Variants in FAM120C observed in about 807,000 individuals in gnomAD.
FAM120C encodes the protein family with sequence similarity 120 member C.
Under a neutral mutation model 71.2 loss-of-function variants are expected in FAM120C, and 14 were observed. That is an observed-to-expected ratio of 0.20 (90% CI 0.13 to 0.31). The LOEUF (loss-of-function observed/expected upper bound fraction) is 0.31. Ranked by LOEUF, FAM120C falls within the 10% of genes least tolerant of loss-of-function variation. The pLI, the probability that FAM120C is intolerant of heterozygous loss-of-function variation, is 1.00. For synonymous variants in FAM120C, 354 were observed against 353.2 expected, an observed-to-expected ratio of 1.00 and a Z score of -0.03; for missense variants, 500 against 879.0, an observed-to-expected ratio of 0.57 and a Z score of 5.45.
Position 54,136,517 on chromosome X carries a change from G to A in FAM120C, c.1232C>T (p.Ser411Leu). ...TAGAAAGGAGGGACCCACTGGCAGCGAAGAGAGTTTGGTTGTGACTGAATA... is the reference window on the plus strand; with the variant it reads ...TAGAAAGGAGGGACCCACTGGCAGCAAAGAGAGTTTGGTTGTGACTGAATA... ...EYYSVTTKLS[S>L]LPVGPSFLGF... Residue 411 changes from serine (S) to leucine (L), a missense_variant, in exon 5 of 16, where the codon TCG (serine) becomes TTG (leucine). Physicochemically the swap from Ser to Leu is moderately radical, Grantham distance 145. This residue lies in a region of FAM120C where 55 missense variants were observed against 96.7 expected (regional missense o/e 0.57). Transcript: ENST00000375180. 2.5e-6 allele frequency: 3 copies of A among 1,209,835 alleles called. No homozygotes were observed. Among genetic ancestry groups the A allele is most frequent in the Non-Finnish European group, 3.4e-6 (3 of 893,876 alleles).
At chrX:54,155,161 C>A (rs2067203523) in intron 3 of FAM120C, among the ~76,000 whole-genome samples, 1 of 110,951 alleles carries the variant, frequency 9.0e-6, no homozygotes, top group Admixed American at 9.6e-5. Context: ...CCATGATCGC[C>A]CCACTGCACT....
chrX:54,145,934 T>G (rs2067152751), intron 4 of FAM120C, among the ~76,000 whole-genome samples: 1 of 112,151 alleles, frequency 8.9e-6, no homozygotes, highest in African/African-American at 3.2e-5. Context: ...CAGACTGGAT[T>G]AAGAAAATGT....
In FAM120C at chrX:54,134,043, A is replaced by G; in HGVS notation, c.1620T>C (p.His540=). ...GCTGGTGATGAAATGCTTCTGTGAT[A>G]TGACTAAAAAATGTAGAAAGACAGT... ...GDEPNGASSD[H]ITEAFHHQPE... Residue 540 remains histidine (H), a synonymous_variant, in exon 8 of 16, where the codon CAT becomes CAC. Transcript: ENST00000375180. 8.3e-7 allele frequency: 1 copy of G among 1,207,071 alleles called. No homozygotes were observed. Among genetic ancestry groups the G allele is most frequent in the Non-Finnish European group, 1.1e-6 (1 of 893,540 alleles).
chrX:54,155,830 C>G (rs782745748), intron 3 of FAM120C, among the ~76,000 whole-genome samples: 19 of 111,002 alleles, frequency 1.7e-4, no homozygotes, highest in Admixed American at 2.9e-4. Flanking sequence ...GCCTGATAGT[C>G]CCAGCTACTC....
chrX:54,146,651 G>A (rs1569533170), intron 4 of FAM120C, among the ~76,000 whole-genome samples: 1 of 111,723 alleles, frequency 9.0e-6, no homozygotes, highest in Non-Finnish European at 1.9e-5. Context: ...ACTGTACTCC[G>A]GCCTGGGCAA....
At position 54,108,515 on chromosome X, in the gene FAM120C, C is replaced by G. The variant is rs1557125183; in HGVS notation, c.2312+8030G>C. Among the ~76,000 whole-genome samples the G allele has an allele frequency of 2.7e-5, 3 of 111,554 alleles. No homozygotes were observed. In the South Asian group the frequency reaches 1.1e-3, roughly 42 times the overall value. On this transcript the variant is annotated intron_variant, in intron 10 of 15. Transcript: ENST00000375180. ...AAAAAGAAAAGAGTGGAGATTTGTG[C>G]TGCCTGATATTAAGGCAAATTGCAA...
intron 4 of FAM120C, among the ~76,000 whole-genome samples, chrX:54,142,290 G>A (rs997933754): frequency 8.9e-6 from 1 of 112,084 alleles, no homozygotes; most frequent in Non-Finnish European, 1.9e-5. Flanking sequence ...TGCCTCACCT[G>A]GGAAGCGCAA....
chrX:54,148,578 C>T (rs782555030), intron 4 of FAM120C, among the ~76,000 whole-genome samples: 1 of 111,712 alleles, frequency 9.0e-6, no homozygotes, highest in African/African-American at 3.3e-5. Context: ...GCCCGGGAGG[C>T]GGAGGCTGCA....
intron 3 of FAM120C, among the ~76,000 whole-genome samples, chrX:54,154,516 A>G (rs2067199872): frequency 9.2e-6 from 1 of 108,256 alleles, no homozygotes; most frequent in African/African-American, 3.4e-5. Context: ...CTGAAGCAGA[A>G]GAATCACTTG....
At chrX:54,079,106 C>A (rs1405900350) in intron 15 of FAM120C, among the ~76,000 whole-genome samples, 1 of 108,536 alleles carries the variant, frequency 9.2e-6, no homozygotes, top group African/African-American at 3.3e-5. Flanking sequence ...TAAAAACACA[C>A]AAAAAATCAG....
Position 54,073,077 on chromosome X carries a change from G to A in FAM120C, c.3247C>T (p.Gln1083Ter). Residue 1083 changes from glutamine (Q) to a stop codon, truncating the protein, a stop_gained, in exon 16 of 16, where the codon CAA (glutamine) becomes TAA (stop). Transcript: ENST00000375180. LOFTEE classifies it high-confidence loss of function. ...GCCACAGTTTCTAGCTTTTGCTCTT[G>A]TAAGTGGTTCTTCTCCCTATTATTC... is the stretch of plus-strand genomic sequence containing the variant. ...PMNNREKNHL[Q>*]EQKLETVAQR... 1 of 1,210,159 alleles carries A rather than the reference G, an allele frequency of 8.3e-7. No homozygotes were observed. The highest frequency in any genetic ancestry group is 1.1e-6 in the Non-Finnish European group (1 of 894,549).
At chrX:54,091,786 G>A (rs368832980) in intron 10 of FAM120C, among the ~76,000 whole-genome samples, 77 of 111,748 alleles carry the variant, frequency 6.9e-4, no homozygotes, top group African/African-American at 2.3e-3. Context: ...GACAAAAGGT[G>A]GGGAAAGGAT....
chrX:54,142,403 T>C (rs1398270583), intron 4 of FAM120C, among the ~76,000 whole-genome samples: 1 of 112,173 alleles, frequency 8.9e-6, no homozygotes, highest in Non-Finnish European at 1.9e-5. Context: ...CCAATGGTCT[T>C]AGCAAATGGC....
At chrX:54,088,828 C>T (rs1422981158) in intron 11 of FAM120C, among the ~76,000 whole-genome samples, 1 of 109,786 alleles carries the variant, frequency 9.1e-6, no homozygotes. Context: ...GTGGGTGGAT[C>T]GCTTGAGGCC....
At chrX:54,154,341 C>T (rs1478168902) in intron 3 of FAM120C, among the ~76,000 whole-genome samples, 1 of 109,587 alleles carries the variant, frequency 9.1e-6, no homozygotes, top group Non-Finnish European at 1.9e-5. Context: ...AGTGCAGTGG[C>T]TCACACCTGT....
At chrX:54,139,344 T>TATTTATTTATTTA (rs1557131217) in intron 4 of FAM120C, among the ~76,000 whole-genome samples, 1 of 103,600 alleles carries the variant, frequency 9.7e-6, no homozygotes, top group East Asian at 3.0e-4. Flanking sequence ...TTTATTTATT[T>TATTTATTTATTTA]ATTTATTTAT....
At chrX:54,073,572 C>T (rs1299011519) in intron 15 of FAM120C, among the ~76,000 whole-genome samples, 1 of 109,539 alleles carries the variant, frequency 9.1e-6, no homozygotes, top group African/African-American at 3.3e-5. Flanking sequence ...GCTGGGATTA[C>T]AGGCGCCCAC....
In FAM120C at chrX:54,071,986, A is replaced by G. The variant is rs1027591046; in HGVS notation, c.*1047T>C. 25 of 103,625 alleles carry G rather than the reference A, an allele frequency of 2.4e-4. No individual in the cohort carries two copies. Among genetic ancestry groups the G allele is most frequent in the African/African-American group, 4.6e-4 (13 of 28,462 alleles). 8.5% of individuals were successfully genotyped at this position (103,625 alleles called of 1,213,427 possible). On this transcript the variant is annotated 3_prime_UTR_variant, in exon 16 of 16. Transcript: ENST00000375180. The stretch of plus-strand genomic sequence containing the variant: ...TATGTATGTGTGTATATATGTGTGT[A>G]TATATATATACACACATATATACAC...
chrX:54,133,734 G>T lies in FAM120C; in HGVS notation c.1890+39C>A, dbSNP rs183912016. 1.2e-4 allele frequency: 138 copies of T among 1,184,616 alleles called. No individual in the cohort carries two copies. In the Admixed American group the frequency reaches 2.9e-3, roughly 25 times the overall value. On this transcript the variant is annotated intron_variant, in intron 8 of 15. Coordinates refer to ENST00000375180, the MANE Select transcript of FAM120C (RefSeq NM_017848.6). The stretch of plus-strand genomic sequence containing the variant: ...AGTCCTAGGAAGTAGGAAGTACAGT[G>T]TTAAGAGCAGGGAGGTAGGTGCTGA...
Sources: allele counts gnomAD v4.1 joint callset (sites outside exome capture counted in the v4.1 genomes callset), GRCh38; gene constraint gnomAD v4.1.1; regional missense constraint gnomAD v4.1.1; transcripts MANE v1.5; gene names NCBI Gene and HGNC (gene_info 2026-07-23, HGNC 2026-07-21).